The following MYOM2 variants were observed in gnomAD, a reference collection of about 807,000 sequenced individuals.
MYOM2 encodes myomesin 2.
In MYOM2, 254 loss-of-function variants were observed where a neutral mutation model predicts 187.6. The ratio of observed to expected loss-of-function variants is 1.35; its 90% confidence interval spans 1.22 to 1.50. The LOEUF is 1.50. Ranked by LOEUF, MYOM2 falls within the 40% of genes most tolerant of loss-of-function variation. The pLI, the probability that MYOM2 is intolerant of heterozygous loss-of-function variation, is 0.00. For synonymous variants in MYOM2, 981 were observed against 753.8 expected (o/e 1.30, Z -4.94); for missense variants, 2,796 against 1,924.0 (o/e 1.45, Z -8.48).
intron 34 of MYOM2, among the ~76,000 whole-genome samples, chr8:2,141,409 C>T (rs906611855): frequency 3.9e-5 from 6 of 152,160 alleles, no homozygotes; most frequent in Non-Finnish European, 7.3e-5. Context: ...GGATGAATTT[C>T]GGAAATCATT....
intron 19 of MYOM2, among the ~76,000 whole-genome samples, chr8:2,099,414 G>A (rs898413811): frequency 6.6e-6 from 1 of 152,098 alleles, no homozygotes; most frequent in Non-Finnish European, 1.5e-5. Context: ...GTTCTCATTC[G>A]TGGGTTAGCT....
rs1797522667 is a variant in MYOM2, at chr8:2,123,331, TGGAGAGG to T, written c.3537_3543del (p.Arg1180SerfsTer21). 6.2e-7 allele frequency: 1 copy of T among 1,613,892 alleles called. No homozygotes were observed. Among genetic ancestry groups the T allele is most frequent in the African/African-American group, 1.3e-5 (1 of 74,992 alleles). ...TATGAAACGGAGACACTGCCTAACC[TGGAGAGG>T]GGAATCTGTGAGCTCCTCATCCCAA... On this transcript the variant is annotated frameshift_variant, in exon 29 of 37. Transcript: ENST00000262113. LOFTEE classifies it high-confidence loss of function.
chr8:2,079,009 C>T, intron 12 of MYOM2, 76 bp downstream of exon 12: 3 of 1,429,888 alleles, frequency 2.1e-6, no homozygotes, highest in Non-Finnish European at 2.9e-6. Context: ...TTGTCTCTTT[C>T]CCTCCCAACT....
chr8:2,049,070 T>G (rs1585810912), intron 1 of MYOM2, among the ~76,000 whole-genome samples: 1 of 152,226 alleles, frequency 6.6e-6, no homozygotes, highest in Non-Finnish European at 1.5e-5. Flanking sequence ...GGTTTACAGG[T>G]GTGAGCTACT....
At chr8:2,138,990 CACACT>C (rs1798179233) in intron 32 of MYOM2, among the ~76,000 whole-genome samples, 1 of 141,326 alleles carries the variant, frequency 7.1e-6, no homozygotes, top group Admixed American at 7.0e-5. Context: ...AGACCCGACA[CACACT>C]GCCAGCACCA....
intron 21 of MYOM2, among the ~76,000 whole-genome samples, chr8:2,103,982 A>G (rs1796808505): frequency 6.6e-6 from 1 of 152,166 alleles, no homozygotes; most frequent in East Asian, 1.9e-4. Flanking sequence ...ATGGCAAATG[A>G]AGTATGCAAT....
intron 2 of MYOM2, among the ~76,000 whole-genome samples, chr8:2,051,830 G>C (rs534221659): frequency 6.6e-6 from 1 of 152,156 alleles, no homozygotes; most frequent in African/African-American, 2.4e-5. Flanking sequence ...GCAAGTGTGT[G>C]TACACTTGTG....
chr8:2,143,267 C>A, intron 35 of MYOM2, 134 bp from the exon 36 acceptor site: 1 of 1,008,250 alleles, frequency 9.9e-7, no homozygotes, highest in Non-Finnish European at 1.5e-6. Context: ...AAACCTTTTT[C>A]TTTGATGCTC....
At chr8:2,120,829 C>T (rs1046945198) in intron 28 of MYOM2, among the ~76,000 whole-genome samples, 2 of 148,542 alleles carry the variant, frequency 1.3e-5, no homozygotes, top group Non-Finnish European at 3.0e-5. Flanking sequence ...TTAGTGATAA[C>T]TAGAGCTAAG....
chr8:2,099,909 T>G (rs2116770115), intron 19 of MYOM2, among the ~76,000 whole-genome samples: 1 of 152,360 alleles, frequency 6.6e-6, no homozygotes, highest in East Asian at 1.9e-4. Flanking sequence ...ACTGCCTTTT[T>G]CCTTTTAGTC....
rs553994498 is a variant in MYOM2, at chr8:2,065,328, T to G, written c.654-3950T>G. Reference sequence around the variant, plus strand: ...GCTCATGCCTGTAATCCCAGCATGTTGGGAGGCCGAGGCAGGTGAATCACG... The same window carrying G: ...GCTCATGCCTGTAATCCCAGCATGTGGGGAGGCCGAGGCAGGTGAATCACG... On this transcript the variant is annotated intron_variant, in intron 6 of 36. Transcript: ENST00000262113. Among the ~76,000 whole-genome samples, 5 of 152,258 alleles carry G rather than the reference T, an allele frequency of 3.3e-5. No individual in the cohort carries two copies. In the South Asian group the frequency reaches 1.0e-3, roughly 32 times the overall value.
chr8:2,098,916 C>T lies in MYOM2; in HGVS notation c.2373C>T (p.Ala791=), dbSNP rs147195358. 130 of 1,613,268 alleles carry T rather than the reference C, an allele frequency of 8.1e-5. No individual in the cohort carries two copies. Among genetic ancestry groups the T allele is most frequent in the Middle Eastern group, 6.6e-4 (4 of 6,058 alleles). ...YEFKIAAVNL[A]GIGEPSDPSE... ...TCAAAATCGCCGCCGTCAACCTGGCCGGCATCGGGGAGCCCTCAGATCCCA... is the reference window on the plus strand; with the variant it reads ...TCAAAATCGCCGCCGTCAACCTGGCTGGCATCGGGGAGCCCTCAGATCCCA... The change falls in exon 19 of 37, where the codon GCC becomes GCT. Residue 791 remains alanine (A), a synonymous_variant. Transcript: ENST00000262113.
At position 2,092,510 on chromosome 8, in the gene MYOM2, G is replaced by C; in HGVS notation, c.1993G>C (p.Gly665Arg). The C allele has an allele frequency of 6.2e-7, 1 of 1,613,936 alleles. No individual in the cohort carries two copies. ...GGAGCCCTGCAACCACAAGCCCATCGGATACAACAGGTGCGGCCTCCCTCC... is the reference window on the plus strand; with the variant it reads ...GGAGCCCTGCAACCACAAGCCCATCCGATACAACAGGTGCGGCCTCCCTCC... ...LWEPCNHKPI[G>R]YNRFVVHGLT... is the part of the protein sequence containing the mutation. Residue 665 changes from glycine to arginine, a missense_variant, in exon 16 of 37, where the codon GGA becomes CGA. By Grantham distance (125) the Gly-to-Arg change is moderately radical. Transcript: ENST00000262113.
Position 2,072,427 on chromosome 8 carries a change from C to T in MYOM2, c.876C>T (p.Gly292=), listed in dbSNP as rs371192020. Residue 292 remains glycine, a synonymous_variant, in exon 9 of 37, where the codon GGC becomes GGT. Transcript: ENST00000262113. The part of the protein sequence containing the change: ...EKFGVTFRRE[G]ETVTLKCTML... ...TTGGGGTCACCTTCAGGAGGGAAGG[C>T]GAGACGGTCACTCTCAAGTGCACCA... 2,104 of 1,614,130 alleles carry T rather than the reference C, an allele frequency of 1.3e-3. 39 individuals carry two copies. In the South Asian group the frequency reaches 0.021, roughly 16 times the overall value.
At chr8:2,078,673 G>T in intron 11 of MYOM2, 61 bp from the exon 12 acceptor site, 1 of 1,473,466 alleles carries the variant, frequency 6.8e-7, no homozygotes. Flanking sequence ...ATATACCTAT[G>T]TATATTTAGT....
At chr8:2,080,588 A>G (rs1269306627) in intron 13 of MYOM2, among the ~76,000 whole-genome samples, 4 of 152,260 alleles carry the variant, frequency 2.6e-5, no homozygotes, top group African/African-American at 7.2e-5. Flanking sequence ...CACTCAATAC[A>G]TAAGGAATGA....
At chr8:2,133,744 A>G (rs1307564440) in intron 32 of MYOM2, among the ~76,000 whole-genome samples, 1 of 151,492 alleles carries the variant, frequency 6.6e-6, no homozygotes, top group Non-Finnish European at 1.5e-5. Context: ...TACAGGTGTG[A>G]GCCACAGTGT....
intron 6 of MYOM2, among the ~76,000 whole-genome samples, chr8:2,064,350 G>A (rs1470205213): frequency 6.6e-6 from 1 of 152,202 alleles, no homozygotes; most frequent in African/African-American, 2.4e-5. Context: ...TGAGACAGCG[G>A]GAACCATAAA....
At chr8:2,050,650 T>G in intron 1 of MYOM2, 105 bp from the exon 2 acceptor site, 1 of 601,868 alleles carries the variant, frequency 1.7e-6, no homozygotes, top group Non-Finnish European at 2.9e-6. Flanking sequence ...CCCAAGGGGG[T>G]TTTATTAACT....
Sources: allele counts gnomAD v4.1 joint callset (sites outside exome capture counted in the v4.1 genomes callset), GRCh38; gene constraint gnomAD v4.1.1; transcripts MANE v1.5; gene names NCBI Gene and HGNC (gene_info 2026-07-23, HGNC 2026-07-21).